ACSM6: variants seen among roughly 807,000 people sequenced by gnomAD.
ACSM6 encodes the protein acyl-coenzyme A synthetase ACSM6, mitochondrial.
ACSM6 carries 35 observed loss-of-function variants against 51.1 expected under a neutral mutation model. The ratio of observed to expected loss-of-function variants is 0.69; its 90% CI spans 0.52 to 0.91. The LOEUF (loss-of-function observed/expected upper bound fraction) is 0.91. Ranked by LOEUF, ACSM6 falls within the 40% of genes least tolerant of loss-of-function variation. The pLI, the probability that ACSM6 is intolerant of heterozygous loss-of-function variation, is 0.00. For synonymous variants in ACSM6, 172 were observed against 207.3 expected, an observed-to-expected ratio of 0.83 and a Z score of 1.46; for missense variants, 509 against 584.1, an observed-to-expected ratio of 0.87 and a Z score of 1.32.
At chr10:95,223,636 T>C (rs533609766) in intron 9 of ACSM6, among the ~76,000 whole-genome samples, 1 of 152,226 alleles carries the variant, frequency 6.6e-6, no homozygotes, top group Non-Finnish European at 1.5e-5. Context: ...CACCTATTTA[T>C]GGTAACAACC....
chr10:95,223,117 C>G (rs544658646), intron 9 of ACSM6, among the ~76,000 whole-genome samples: 68 of 151,330 alleles, frequency 4.5e-4, no homozygotes, highest in African/African-American at 1.6e-3. Context: ...TGAAGTATAA[C>G]TTCATTCCTT....
At position 95,202,130 on chromosome 10, in the gene ACSM6, G is replaced by A. The variant is rs185879196; in HGVS notation, c.338G>A (p.Arg113Gln). The change falls in exon 3 of 11, where the codon CGG becomes CAG. Residue 113 changes from arginine to glutamine, a missense_variant. Arg to Gln is a conservative substitution (Grantham distance 43, BLOSUM62 1). Coordinates refer to ENST00000341686, the Ensembl canonical transcript of ACSM6. ...ACCTGTGCCCTTAGCCATGGAGACC[G>A]GCTGATGATAATCTTGCCCCCAACA... The A allele has an allele frequency of 5.9e-5, 92 of 1,552,222 alleles. No homozygotes were observed. The highest frequency in any genetic ancestry group is 1.4e-4 in the Admixed American group (7 of 51,006).
intron 4 of ACSM6, among the ~76,000 whole-genome samples, chr10:95,208,755 A>G (rs554125212): frequency 9.9e-5 from 15 of 152,242 alleles, no homozygotes; most frequent in East Asian, 5.8e-4. Context: ...ACTGCATCAT[A>G]GGTATGCATG....
At position 95,210,857 on chromosome 10, in the gene ACSM6, A is replaced by G; in HGVS notation, c.755+64A>G. Reference sequence around the variant, plus strand: ...TTCTCTTGCAGGTAAAGGGAGCTTCATGGGACTAAAGCTAAGAAAGGAGTT... The same window carrying G: ...TTCTCTTGCAGGTAAAGGGAGCTTCGTGGGACTAAAGCTAAGAAAGGAGTT... On this transcript the variant is annotated intron_variant, in intron 5 of 10. Coordinates refer to ENST00000341686, the Ensembl canonical transcript of ACSM6. 9 of 1,537,634 alleles carry G rather than the reference A, an allele frequency of 5.9e-6. No homozygotes were observed. The South Asian group carries it at 1.1e-4, about 20-fold the overall frequency.
At chr10:95,225,309 A>G (rs1483602739) in exon 10 of ACSM6, 1 of 1,551,590 alleles carries the variant, frequency 6.4e-7, no homozygotes, top group East Asian at 2.4e-5. Context: ...GAAAACTCAA[A>G]TCTCCTGCCT....
At chr10:95,218,525 T>C (rs1355928063) in intron 8 of ACSM6, among the ~76,000 whole-genome samples, 1 of 152,202 alleles carries the variant, frequency 6.6e-6, no homozygotes, top group African/African-American at 2.4e-5. Flanking sequence ...CTCTGAGTTG[T>C]TCTCTGATGA....
intron 9 of ACSM6, among the ~76,000 whole-genome samples, chr10:95,221,296 T>A (rs2034992815): frequency 6.6e-6 from 1 of 152,176 alleles, no homozygotes; most frequent in African/African-American, 2.4e-5. Flanking sequence ...AATAATTATA[T>A]GTCAACAAAG....
intron 2 of ACSM6, among the ~76,000 whole-genome samples, chr10:95,196,211 A>G (rs2034723509): frequency 6.6e-6 from 1 of 152,188 alleles, no homozygotes; most frequent in Non-Finnish European, 1.5e-5. Context: ...GATTAAGCAT[A>G]TGGATTACAG....
At chr10:95,207,269 C>T in exon 4 of ACSM6, 1 of 1,614,116 alleles carries the variant, frequency 6.2e-7, no homozygotes, top group Non-Finnish European at 8.5e-7. Context: ...ATCAATTACG[C>T]ATGTCTAAGG....
chr10:95,209,226 A>G (rs2034871056), intron 4 of ACSM6, among the ~76,000 whole-genome samples: 1 of 152,164 alleles, frequency 6.6e-6, no homozygotes, highest in Non-Finnish European at 1.5e-5. Context: ...TCCCTTGCAG[A>G]GGGAACTCAG....
rs34370150 is a variant in ACSM6, at chr10:95,208,933, T to TAAAAAAAA, written c.611+1538_611+1545dup. On this transcript the variant is annotated intron_variant, in intron 4 of 10. Transcript: ENST00000341686. ...CAGTATTTCAGTGTCCAGGGATGTT[T>TAAAAAAAA]AAAAAAAAAAAAAAAAAAAAAAAAA... is the stretch of plus-strand genomic sequence containing the variant. Among the ~76,000 whole-genome samples the TAAAAAAAA allele has an allele frequency of 2.4e-3, 81 of 33,912 alleles. 4 individuals are homozygous for TAAAAAAAA. Among genetic ancestry groups the TAAAAAAAA allele is most frequent in the Non-Finnish European group, 3.3e-3 (61 of 18,336 alleles). The allele number at this position is 33,912 out of a possible 152,430, so 22.2% of individuals were successfully genotyped here.
intron 8 of ACSM6, among the ~76,000 whole-genome samples, chr10:95,217,119 G>A (rs528132568): frequency 3.5e-4 from 53 of 151,906 alleles, no homozygotes; most frequent in Non-Finnish European, 6.9e-4. Context: ...GGAGGCCAAG[G>A]CAGGCAAATC....
chr10:95,211,480 T>C (rs532580387), intron 5 of ACSM6, among the ~76,000 whole-genome samples: 1 of 152,362 alleles, frequency 6.6e-6, no homozygotes, highest in African/African-American at 2.4e-5. Flanking sequence ...AATAGGTGTA[T>C]GTTCCTCACC....
intron 3 of ACSM6, among the ~76,000 whole-genome samples, chr10:95,204,303 G>A (rs2034821096): frequency 6.6e-6 from 1 of 152,206 alleles, no homozygotes; most frequent in Non-Finnish European, 1.5e-5. Context: ...TGTAATCCCA[G>A]CACTTTGGGA....
At chr10:95,212,680 T>C (rs1181603103) in intron 6 of ACSM6, among the ~76,000 whole-genome samples, 178 bp from the exon 7 acceptor site, 1 of 152,146 alleles carries the variant, frequency 6.6e-6, no homozygotes, top group Non-Finnish European at 1.5e-5. Flanking sequence ...AGCTAAATTC[T>C]CTCCCAAGGT....
At chr10:95,213,054 G>A in intron 7 of ACSM6, 114 bp downstream of exon 7, 2 of 817,178 alleles carry the variant, frequency 2.4e-6, no homozygotes, top group Non-Finnish European at 4.0e-6. Context: ...TAACACACTT[G>A]TCTTGTTGCC....
chr10:95,198,068 AGCTGGGGCAAAGTG>A (rs1198660954), intron 2 of ACSM6, among the ~76,000 whole-genome samples: 2 of 152,336 alleles, frequency 1.3e-5, no homozygotes, highest in East Asian at 3.9e-4. Flanking sequence ...GGGTCAAAGT[AGCTGGGGCAAAGTG>A]GCTGGGGCAA....
chr10:95,212,003 T>G (rs760400125), exon 6 of ACSM6: 1 of 1,614,158 alleles, frequency 6.2e-7, no homozygotes, highest in African/African-American at 1.3e-5. Context: ...CTGTGTCACA[T>G]GCCAACCTTC....
intron 8 of ACSM6, among the ~76,000 whole-genome samples, chr10:95,216,514 G>C (rs1015026934): frequency 6.6e-6 from 1 of 152,166 alleles, no homozygotes; most frequent in Non-Finnish European, 1.5e-5. Flanking sequence ...CATGCTGAAG[G>C]CCTTAATGGA....
Sources: allele counts gnomAD v4.1 joint callset (sites outside exome capture counted in the v4.1 genomes callset), GRCh38; gene constraint gnomAD v4.1.1; transcripts MANE v1.5; gene names NCBI Gene and HGNC (gene_info 2026-07-23, HGNC 2026-07-21).